The following CUL3 variants were observed in gnomAD, a reference collection of about 807,000 sequenced individuals.
CUL3 encodes the protein cullin 3, also known as cullin-3.
Under a neutral mutation model 89.1 loss-of-function variants are expected in CUL3, and 19 were observed. The observed-to-expected ratio is 0.21, with a 90% CI of 0.15 to 0.31. The LOEUF is 0.31. Among genes scored for constraint, CUL3 ranks in the 10% least tolerant of loss-of-function variants. CUL3 has a pLI of 1.00. For synonymous variants in CUL3, 351 were observed against 308.4 expected, an observed-to-expected ratio of 1.14 and a Z score of -1.45; for missense variants, 469 against 942.3, an observed-to-expected ratio of 0.50 and a Z score of 6.58.
chr2:224,582,133 T>A (rs937165891), intron 1 of CUL3, among the ~76,000 whole-genome samples: 1 of 151,968 alleles, frequency 6.6e-6, no homozygotes, highest in Non-Finnish European at 1.5e-5. Flanking sequence ...CCCCGCTAAT[T>A]TTTTGTATTT....
chr2:224,551,262 G>C (rs1050771705), intron 2 of CUL3, among the ~76,000 whole-genome samples: 2 of 149,378 alleles, frequency 1.3e-5, no homozygotes, highest in Admixed American at 6.7e-5. Flanking sequence ...CTGGAGTGCA[G>C]TGGTGTGATC....
intron 1 of CUL3, among the ~76,000 whole-genome samples, chr2:224,567,393 A>AT (rs1476762176): frequency 1.3e-5 from 2 of 151,742 alleles, no homozygotes; most frequent in Non-Finnish European, 2.9e-5. Context: ...AATATTTTTA[A>AT]TTTTTTTTGT....
intron 12 of CUL3, among the ~76,000 whole-genome samples, chr2:224,497,135 G>A (rs1692198154): frequency 6.6e-6 from 1 of 151,964 alleles, no homozygotes; most frequent in Admixed American, 6.6e-5. Flanking sequence ...CCTCCTAGAT[G>A]ACAATTTAGG....
intron 3 of CUL3, among the ~76,000 whole-genome samples, chr2:224,533,967 T>C (rs6751391): frequency 0.26 from 39,804 of 151,998 alleles, 5,940 homozygotes; most frequent in African/African-American, 0.41. Flanking sequence ...TTCCCAAACA[T>C]TGCTTTATTC....
At chr2:224,488,573 T>C (rs948314608) in intron 13 of CUL3, among the ~76,000 whole-genome samples, 21 of 152,194 alleles carry the variant, frequency 1.4e-4, no homozygotes, top group Admixed American at 9.8e-4. Flanking sequence ...CAGGAAGAAG[T>C]TGAATCCCTG....
chr2:224,503,856 T>C, intron 8 of CUL3, 34 bp from the exon 9 acceptor site: 1 of 1,474,424 alleles, frequency 6.8e-7, no homozygotes, highest in Non-Finnish European at 9.1e-7. Flanking sequence ...AATTATACAA[T>C]TTTAGTTCTA....
Position 224,482,044 on chromosome 2 carries a change from T to C in CUL3, c.1877A>G (p.Glu626Gly). The C allele has an allele frequency of 6.2e-7, 1 of 1,605,638 alleles. No homozygotes were observed. Among genetic ancestry groups the C allele is most frequent in the Non-Finnish European group, 8.5e-7 (1 of 1,177,136 alleles). ...IQQETDIPER[E>G]LVRALQSLAC... Reference sequence around the variant, plus strand: ...GAGGGACTGTAGGGCTCTAACAAGCTCTCTTTCAGGGATATCTGTCTCTTG... The same window carrying C: ...GAGGGACTGTAGGGCTCTAACAAGCCCTCTTTCAGGGATATCTGTCTCTTG... Residue 626 changes from glutamate to glycine, a missense_variant, in exon 14 of 16, where the codon GAG (glutamate) becomes GGG (glycine). Glu to Gly is a moderately conservative substitution (Grantham distance 98, BLOSUM62 -2). Transcript: ENST00000264414.
chr2:224,503,611 C>A (rs2106196171), intron 9 of CUL3, 41 bp downstream of exon 9: 1 of 1,469,426 alleles, frequency 6.8e-7, no homozygotes, highest in South Asian at 1.4e-5. Flanking sequence ...CATAATAAAC[C>A]TCAGTTAGGT....
intron 1 of CUL3, among the ~76,000 whole-genome samples, chr2:224,575,897 C>T (rs746819576): frequency 2.0e-4 from 30 of 152,066 alleles, no homozygotes; most frequent in Non-Finnish European, 4.1e-4. Context: ...AGGACCTGAC[C>T]CATAGCAGCA....
At chr2:224,541,219 TA>T (rs569556654) in intron 2 of CUL3, among the ~76,000 whole-genome samples, 17,188 of 137,954 alleles carry the variant, frequency 0.12, 1,979 homozygotes, top group African/African-American at 0.32. Flanking sequence ...CAGAACATAT[TA>T]AAAAAAAAAA....
intron 13 of CUL3, among the ~76,000 whole-genome samples, chr2:224,488,846 C>T (rs868355563): frequency 4.6e-5 from 7 of 152,130 alleles, no homozygotes; most frequent in Non-Finnish European, 8.8e-5. Context: ...TGAGGAACAT[C>T]GATGTGAAAA....
chr2:224,535,649 CAG>C lies in CUL3; in HGVS notation c.265-10_265-9del. Reference sequence around the variant, plus strand: ...TAGTACATCTTCTCGCACCTAGTAACAGAAGAGTTCATTAGTTTGCACACACA... The same window carrying C: ...TAGTACATCTTCTCGCACCTAGTAACAAGAGTTCATTAGTTTGCACACACA... On this transcript the variant is annotated splice_polypyrimidine_tract_variant and intron_variant, in intron 2 of 15. Coordinates refer to ENST00000264414, the MANE Select transcript of CUL3 (RefSeq NM_003590.5). The C allele has an allele frequency of 3.8e-6, 6 of 1,564,956 alleles. No individual in the cohort carries two copies. Among genetic ancestry groups the C allele is most frequent in the Non-Finnish European group, 5.3e-6 (6 of 1,135,548 alleles).
At chr2:224,534,866 T>A (rs975930550) in intron 3 of CUL3, among the ~76,000 whole-genome samples, 1 of 151,602 alleles carries the variant, frequency 6.6e-6, no homozygotes, top group South Asian at 2.1e-4. Flanking sequence ...CCGGGCGTGG[T>A]GACGGGCACC....
chr2:224,495,134 A>T (rs1053577320), intron 13 of CUL3: 1 of 151,996 alleles, frequency 6.6e-6, no homozygotes, highest in Non-Finnish European at 1.5e-5. Flanking sequence ...TCATCAAAAA[A>T]AAAAAAGAAA....
chr2:224,558,241 G>A (rs950773121), intron 1 of CUL3, among the ~76,000 whole-genome samples: 6 of 152,094 alleles, frequency 3.9e-5, no homozygotes, highest in African/African-American at 1.4e-4. Flanking sequence ...TATCCGTATA[G>A]CTGAAAGAAA....
chr2:224,537,051 C>T (rs1693925761), intron 2 of CUL3, among the ~76,000 whole-genome samples: 1 of 152,180 alleles, frequency 6.6e-6, no homozygotes, highest in Non-Finnish European at 1.5e-5. Context: ...AGTGGTTATG[C>T]TTTTTCAGAT....
intron 3 of CUL3, among the ~76,000 whole-genome samples, chr2:224,521,798 A>C (rs527647636): frequency 1.3e-5 from 2 of 149,098 alleles, no homozygotes; most frequent in South Asian, 4.2e-4. Context: ...TTATTTAGGA[A>C]AAAAAAAAAA....
At chr2:224,511,185 G>A (rs1178114790) in intron 6 of CUL3, among the ~76,000 whole-genome samples, 169 bp downstream of exon 6, 1 of 152,146 alleles carries the variant, frequency 6.6e-6, no homozygotes, top group East Asian at 1.9e-4. Context: ...TCGTTAGTAA[G>A]ACAGAATCAA....
chr2:224,503,945 A>G (rs1250449497), intron 8 of CUL3, 123 bp from the exon 9 acceptor site: 2 of 695,862 alleles, frequency 2.9e-6, no homozygotes, highest in African/African-American at 1.8e-5. Flanking sequence ...ACATACATCA[A>G]AAAAAGGGAT....
Sources: allele counts gnomAD v4.1 joint callset (sites outside exome capture counted in the v4.1 genomes callset), GRCh38; gene constraint gnomAD v4.1.1; transcripts MANE v1.5; gene names NCBI Gene and HGNC (gene_info 2026-07-23, HGNC 2026-07-21).